Variants in TMEM141 observed in about 807,000 individuals in gnomAD.
TMEM141 encodes the protein transmembrane protein 141.
A neutral mutation model predicts 15.9 loss-of-function variants in TMEM141; 18 were observed. The ratio of observed to expected loss-of-function variants is 1.13; its 90% confidence interval spans 0.78 to 1.68. The LOEUF (loss-of-function observed/expected upper bound fraction) is 1.68, where lower values mean the gene tolerates loss of function less well. Among genes scored for constraint, TMEM141 ranks in the 40% most tolerant of loss-of-function variants. The pLI is 0.00. For missense variants in TMEM141, 161 were observed against 139.5 expected (o/e 1.15, Z -0.78); for synonymous variants, 69 against 54.0 (o/e 1.28, Z -1.22).
chr9:136,791,991 T>A lies in TMEM141; in HGVS notation c.166T>A (p.Phe56Ile). Residue 56 changes from phenylalanine (F) to isoleucine (I), a missense_variant, in exon 3 of 5, where the codon TTT (phenylalanine) becomes ATT (isoleucine). Transcript: ENST00000290079. ...CTTGCAGATGTTCATTCAGAGGAAGTTTCCATACCCTTTGCAGTGGAGCCT... is the reference window on the plus strand; with the variant it reads ...CTTGCAGATGTTCATTCAGAGGAAGATTCCATACCCTTTGCAGTGGAGCCT... ...FGLQMFIQRK[F>I]PYPLQWSLLV... 2.5e-6 allele frequency: 4 copies of A among 1,614,098 alleles called. No individual in the cohort carries two copies. The highest frequency in any genetic ancestry group is 3.4e-6 in the Non-Finnish European group (4 of 1,180,016).
chr9:136,792,764 G>A, intron 4 of TMEM141, 55 bp from the exon 5 acceptor site: 3 of 1,381,756 alleles, frequency 2.2e-6, no homozygotes, highest in Non-Finnish European at 3.0e-6. Context: ...ATGGGCACAG[G>A]GATGCCCAGC....
rs1214074095 is a variant in TMEM141, at chr9:136,792,864, G to A, written c.*32G>A. 6.5e-7 allele frequency: 1 copy of A among 1,529,554 alleles called. No individual in the cohort carries two copies. The highest frequency in any genetic ancestry group is 8.8e-7 in the Non-Finnish European group (1 of 1,137,444). 94.7% of individuals were successfully genotyped at this position (1,529,554 alleles called of 1,614,324 possible). On this transcript the variant is annotated 3_prime_UTR_variant, in exon 5 of 5. Transcript: ENST00000290079. ...TCCAGCAGGGGCACAGAGGATTGGGGGCAGGAGGAGTCTGGAACACAGCCT... is the reference window on the plus strand; with the variant it reads ...TCCAGCAGGGGCACAGAGGATTGGGAGCAGGAGGAGTCTGGAACACAGCCT...
intron 2 of TMEM141, 63 bp from the exon 3 acceptor site, chr9:136,791,884 C>T: frequency 3.7e-6 from 6 of 1,611,712 alleles, no homozygotes; most frequent in Non-Finnish European, 5.1e-6. Context: ...GTGCTGGGGG[C>T]CTGGCAAGGT....
chr9:136,793,271 C>G lies in TMEM141; in HGVS notation c.*439C>G, dbSNP rs911984541. ...TCCTTCTCTCCACCCAAGTTTCCAC[C>G]TGACCAGGTGAAAAACAAATCAGAA... On this transcript the variant is annotated 3_prime_UTR_variant, in exon 5 of 5. Coordinates refer to ENST00000290079, the MANE Select transcript of TMEM141 (RefSeq NM_032928.4). 2 of 154,758 alleles carry G rather than the reference C, an allele frequency of 1.3e-5. No homozygotes were observed. The highest frequency in any genetic ancestry group is 4.8e-5 in the African/African-American group (2 of 41,534). The allele number at this position is 154,758 out of a possible 1,614,324, so 9.6% of individuals were successfully genotyped here. A position where few individuals can be genotyped will look rare whatever the true frequency, so the allele number is the denominator to read the frequency against.
chr9:136,792,846 G>T lies in TMEM141; in HGVS notation c.*14G>T, dbSNP rs202223156. 5 of 1,554,188 alleles carry T rather than the reference G, an allele frequency of 3.2e-6. No homozygotes were observed. Among genetic ancestry groups the T allele is most frequent in the Non-Finnish European group, 1.7e-6 (2 of 1,149,564 alleles). On this transcript the variant is annotated 3_prime_UTR_variant, in exon 5 of 5. Coordinates refer to ENST00000290079, the MANE Select transcript of TMEM141 (RefSeq NM_032928.4). Reference sequence around the variant, plus strand: ...CAGAGAAGCTAGGAGAGCTCCAGCAGGGGCACAGAGGATTGGGGGCAGGAG... The same window carrying T: ...CAGAGAAGCTAGGAGAGCTCCAGCATGGGCACAGAGGATTGGGGGCAGGAG...
chr9:136,792,436 G>A, intron 4 of TMEM141, 78 bp downstream of exon 4: 1 of 1,211,474 alleles, frequency 8.3e-7, no homozygotes, highest in South Asian at 1.3e-5. Flanking sequence ...AAGCCTGGGT[G>A]CACCATGCGA....
At chr9:136,791,837 A>T in intron 2 of TMEM141, 60 bp downstream of exon 2, 1 of 1,606,216 alleles carries the variant, frequency 6.2e-7, no homozygotes, top group Non-Finnish European at 8.5e-7. Context: ...CCCTGCCCTG[A>T]CTCCCCAGCA....
At chr9:136,791,544 C>G (rs1290775846) in intron 1 of TMEM141, 120 bp downstream of exon 1, 1 of 1,555,988 alleles carries the variant, frequency 6.4e-7, no homozygotes, top group Non-Finnish European at 8.7e-7. Context: ...GGGGCACTCT[C>G]TTGCTAAGGG....
chr9:136,791,777 G>T lies in TMEM141; in HGVS notation c.121G>T (p.Gly41Cys). The T allele has an allele frequency of 1.2e-6, 2 of 1,613,178 alleles. No individual in the cohort carries two copies. The highest frequency in any genetic ancestry group is 2.2e-5 in the South Asian group (2 of 91,072). Reference sequence around the variant, plus strand: ...GAAGGGCGTTTTCACCTTCGTCACAGGTAGGCTGCGTCCAGGTGTCCTGCG... The same window carrying T: ...GAAGGGCGTTTTCACCTTCGTCACATGTAGGCTGCGTCCAGGTGTCCTGCG... ...FMKGVFTFVTGTGMAFGLQMF... is the reference protein window; with the variant it reads ...FMKGVFTFVTCTGMAFGLQMF... The change falls in exon 2 of 5, where the codon GGC becomes TGC. Residue 41 changes from glycine (G) to cysteine (C), a missense_variant and splice_region_variant. Coordinates refer to ENST00000290079, the MANE Select transcript of TMEM141 (RefSeq NM_032928.4).
intron 4 of TMEM141, 62 bp downstream of exon 4, chr9:136,792,420 G>A: frequency 1.4e-6 from 2 of 1,418,608 alleles, no homozygotes; most frequent in South Asian, 1.2e-5. Flanking sequence ...AGAGTTTTGG[G>A]CAGCCAAGCC....
chr9:136,791,725 T>C lies in TMEM141; in HGVS notation c.69T>C (p.Tyr23=). Reference sequence around the variant, plus strand: ...TGCCACCCCAGGGACTCGGGGAGTATGCCGCATGCCAGTCACACGCCTTCA... The same window carrying C: ...TGCCACCCCAGGGACTCGGGGAGTACGCCGCATGCCAGTCACACGCCTTCA... The part of the protein sequence containing the change: ...VAAKHPGLGE[Y]AACQSHAFMK... The change falls in exon 2 of 5, where the codon TAT becomes TAC. Residue 23 remains tyrosine, a synonymous_variant. Transcript: ENST00000290079. The C allele has an allele frequency of 1.9e-6, 3 of 1,613,238 alleles. No individual in the cohort carries two copies. Among genetic ancestry groups the C allele is most frequent in the Non-Finnish European group, 2.5e-6 (3 of 1,179,906 alleles).
At chr9:136,792,058 C>A in intron 3 of TMEM141, 28 bp downstream of exon 3, 2 of 1,610,522 alleles carry the variant, frequency 1.2e-6, no homozygotes, top group Non-Finnish European at 1.7e-6. Flanking sequence ...CCTGCCTGGG[C>A]TCTTTGAGGG....
chr9:136,793,019 A>G lies in TMEM141; in HGVS notation c.*187A>G. On this transcript the variant is annotated 3_prime_UTR_variant, in exon 5 of 5. Transcript: ENST00000290079. Reference sequence around the variant, plus strand: ...TGCTGCCCCAACCTGGGACCTGCCCAGGAGGTTGGAGCAGAAAGGGCTCTC... The same window carrying G: ...TGCTGCCCCAACCTGGGACCTGCCCGGGAGGTTGGAGCAGAAAGGGCTCTC... 1 of 700,096 alleles carries G rather than the reference A, an allele frequency of 1.4e-6. No individual in the cohort carries two copies. The highest frequency in any genetic ancestry group is 1.9e-6 in the Non-Finnish European group (1 of 515,856). The allele number at this position is 700,096 out of a possible 1,614,324, so 43.4% of individuals were successfully genotyped here.
Position 136,792,903 on chromosome 9 carries a change from C to T in TMEM141, c.*71C>T, listed in dbSNP as rs998746658. The T allele has an allele frequency of 6.9e-7, 1 of 1,443,206 alleles. No homozygotes were observed. Among genetic ancestry groups the T allele is most frequent in the African/African-American group, 1.4e-5 (1 of 69,364 alleles). The allele number at this position is 1,443,206 out of a possible 1,614,324, so 89.4% of individuals were successfully genotyped here. On this transcript the variant is annotated 3_prime_UTR_variant, in exon 5 of 5. Coordinates refer to ENST00000290079, the MANE Select transcript of TMEM141 (RefSeq NM_032928.4). ...GGAACACAGCCTTCATGCCCCCTGACCCCAGGCCGACCCTCCCCACACCCT... is the reference window on the plus strand; with the variant it reads ...GGAACACAGCCTTCATGCCCCCTGATCCCAGGCCGACCCTCCCCACACCCT...
intron 1 of TMEM141, 32 bp from the exon 2 acceptor site, chr9:136,791,679 G>T (rs754185784): frequency 6.2e-7 from 1 of 1,607,954 alleles, no homozygotes; most frequent in Non-Finnish European, 8.5e-7. Flanking sequence ...GAGGGCAGGG[G>T]ATCGAGCCTT....
chr9:136,791,881 G>GGGCCTGGCAAGGTGGGCCCTGGC, intron 2 of TMEM141, 66 bp from the exon 3 acceptor site: 1 of 1,611,956 alleles, frequency 6.2e-7, no homozygotes, highest in Non-Finnish European at 8.5e-7. Flanking sequence ...CAGGTGCTGG[G>GGGCCTGGCAAGGTGGGCCCTGGC]GGCCTGGCAA....
At position 136,792,353 on chromosome 9, in the gene TMEM141, G is replaced by T. The variant is rs1306781711; in HGVS notation, c.308G>T (p.Ser103Ile). Residue 103 changes from serine (S) to isoleucine (I), a missense_variant, in exon 4 of 5, where the codon AGC (serine) becomes ATC (isoleucine). Physicochemically the swap from Ser to Ile is moderately radical, Grantham distance 142. Coordinates refer to ENST00000290079, the MANE Select transcript of TMEM141 (RefSeq NM_032928.4). ...LETGQLPKDR[S>I]TDQRS ...ACCGGGCAGCTCCCCAAAGACAGGA[G>T]CACAGGTGAGAGAGCCTGGGGGTTA... 6.4e-7 allele frequency: 1 copy of T among 1,571,282 alleles called. No homozygotes were observed. The highest frequency in any genetic ancestry group is 1.9e-5 in the Admixed American group (1 of 53,664).
chr9:136,791,829 C>A, intron 2 of TMEM141, 52 bp downstream of exon 2: 1 of 1,608,246 alleles, frequency 6.2e-7, no homozygotes, highest in South Asian at 1.1e-5. Flanking sequence ...CCCTCCCGCC[C>A]TGCCCTGACT....
At position 136,793,311 on chromosome 9, in the gene TMEM141, C is replaced by G. The variant is rs1262016223; in HGVS notation, c.*479C>G. 6.5e-6 allele frequency: 1 copy of G among 152,826 alleles called. No homozygotes were observed. The highest frequency in any genetic ancestry group is 1.5e-5 in the Non-Finnish European group (1 of 68,474). The allele number at this position is 152,826 out of a possible 1,614,324, so 9.5% of individuals were successfully genotyped here. A position where few individuals can be genotyped will look rare whatever the true frequency, so the allele number is the denominator to read the frequency against. The stretch of plus-strand genomic sequence containing the variant: ...ACAAATCAGAAGGGTAAGATGATGA[C>G]AGGTCACATGAAACCTTTATTACCC... On this transcript the variant is annotated 3_prime_UTR_variant, in exon 5 of 5. Transcript: ENST00000290079.
Sources: gnomAD v4.1 joint callset for allele counts on GRCh38, gnomAD v4.1.1 for gene constraint, MANE v1.5 for transcripts, NCBI Gene and HGNC (gene_info 2026-07-23, HGNC 2026-07-21) for gene names.